CNTNAP2: variants seen among roughly 807,000 people sequenced by gnomAD.
CNTNAP2 encodes contactin-associated protein-like 2.
Under a neutral mutation model 155.2 loss-of-function variants are expected in CNTNAP2, and 98 were observed. That is an observed-to-expected ratio of 0.63 (90% CI 0.54 to 0.75). The LOEUF is 0.75. Among genes scored for constraint, CNTNAP2 ranks in the 30% least tolerant of loss-of-function variants. CNTNAP2 has a pLI of 0.00. For missense variants in CNTNAP2, 1,727 were observed against 1,688.1 expected (o/e 1.02, Z -0.40); for synonymous variants, 651 against 631.2 (o/e 1.03, Z -0.47).
At chr7:146,804,030 A>G (rs551258014) in intron 2 of CNTNAP2, among the ~76,000 whole-genome samples, 2 of 152,324 alleles carry the variant, frequency 1.3e-5, no homozygotes, top group South Asian at 4.1e-4. Context: ...TTTGGACTTC[A>G]GCATTGTTCA....
At chr7:146,731,791 T>C (rs1801530291) in intron 1 of CNTNAP2, among the ~76,000 whole-genome samples, 1 of 152,208 alleles carries the variant, frequency 6.6e-6, no homozygotes, top group Non-Finnish European at 1.5e-5. Flanking sequence ...GGTTTTGTTC[T>C]GCACACCACT....
intron 12 of CNTNAP2, among the ~76,000 whole-genome samples, chr7:147,621,662 G>A (rs562346253): frequency 5.9e-5 from 9 of 151,896 alleles, no homozygotes; most frequent in African/African-American, 2.2e-4. Context: ...TAAAAAGCAA[G>A]AAACTAAATT....
chr7:146,903,706 T>A (rs1410759214), intron 3 of CNTNAP2, among the ~76,000 whole-genome samples: 1 of 152,170 alleles, frequency 6.6e-6, no homozygotes, highest in Non-Finnish European at 1.5e-5. Context: ...ACCAGAGGCC[T>A]GCAGAGAGAG....
At chr7:146,383,612 G>C (rs952779325) in intron 1 of CNTNAP2, among the ~76,000 whole-genome samples, 6 of 152,088 alleles carry the variant, frequency 3.9e-5, no homozygotes, top group Non-Finnish European at 8.8e-5. Flanking sequence ...CAAATTACTA[G>C]TTTCAAACTT....
At chr7:147,932,264 T>A (rs1249921211) in intron 14 of CNTNAP2, among the ~76,000 whole-genome samples, 3 of 152,108 alleles carry the variant, frequency 2.0e-5, no homozygotes, top group Admixed American at 2.0e-4. Flanking sequence ...GCTAAAACAA[T>A]CTTGAGAAAA....
intron 21 of CNTNAP2, among the ~76,000 whole-genome samples, chr7:148,381,875 C>G (rs964451080): frequency 3.3e-5 from 5 of 152,284 alleles, no homozygotes; most frequent in African/African-American, 9.6e-5. Flanking sequence ...CATTGGCCCC[C>G]CCCCAGGGGA....
chr7:147,475,071 T>C lies in CNTNAP2; in HGVS notation c.1671-10864T>C, dbSNP rs73162030. Among the ~76,000 whole-genome samples, 116 of 152,336 alleles carry C rather than the reference T, an allele frequency of 7.6e-4. 1 individual carries two copies. Among genetic ancestry groups the C allele is most frequent in the Admixed American group, 4.2e-3 (65 of 15,302 alleles). On this transcript the variant is annotated intron_variant, in intron 10 of 23. Transcript: ENST00000361727. ...TCTTATCAGTACACATAGATCTGCG[T>C]TGTCTTTTTAATGGCTGTCAGGGGT...
rs909191014 is a variant in CNTNAP2, at chr7:146,125,170, A to C, written c.97+8197A>C. On this transcript the variant is annotated intron_variant, in intron 1 of 23. Transcript: ENST00000361727. The stretch of plus-strand genomic sequence containing the variant: ...CTCATGCACTTCTGTAGTATATGTA[A>C]GTTTTATTTATATATCTTAACGTAA... Among the ~76,000 whole-genome samples, 13 of 152,318 alleles carry C rather than the reference A, an allele frequency of 8.5e-5. No homozygotes were observed. In the South Asian group the frequency reaches 2.5e-3, roughly 29 times the overall value.
intron 1 of CNTNAP2, among the ~76,000 whole-genome samples, chr7:146,204,156 C>G (rs1798909243): frequency 6.6e-6 from 1 of 152,060 alleles, no homozygotes; most frequent in African/African-American, 2.4e-5. Flanking sequence ...ATTTACATCT[C>G]AGAGATCTAA....
chr7:146,352,224 TTTA>T (rs1794925459), intron 1 of CNTNAP2, among the ~76,000 whole-genome samples: 1 of 152,206 alleles, frequency 6.6e-6, no homozygotes, highest in Non-Finnish European at 1.5e-5. Flanking sequence ...AGTGAAACAT[TTTA>T]TTATATTTAA....
intron 1 of CNTNAP2, among the ~76,000 whole-genome samples, chr7:146,712,932 A>T (rs1181590539): frequency 6.6e-6 from 1 of 151,652 alleles, no homozygotes; most frequent in East Asian, 1.9e-4. Flanking sequence ...TAATATACAC[A>T]CATTCCCTTA....
At chr7:146,169,036 C>T (rs1798352725) in intron 1 of CNTNAP2, among the ~76,000 whole-genome samples, 1 of 152,320 alleles carries the variant, frequency 6.6e-6, no homozygotes, top group South Asian at 2.1e-4. Flanking sequence ...AGGACCTTTG[C>T]ACTGGCTGTT....
intron 18 of CNTNAP2, among the ~76,000 whole-genome samples, chr7:148,175,195 A>G (rs1236563772): frequency 6.6e-6 from 1 of 152,212 alleles, no homozygotes; most frequent in Non-Finnish European, 1.5e-5. Flanking sequence ...TTTGCTGTGT[A>G]AATAGTGCTG....
At chr7:147,429,007 A>C (rs1000031654) in intron 10 of CNTNAP2, among the ~76,000 whole-genome samples, 5 of 152,086 alleles carry the variant, frequency 3.3e-5, no homozygotes, top group African/African-American at 1.2e-4. Flanking sequence ...GCTCCTGTTT[A>C]TAAGTGAGAA....
intron 10 of CNTNAP2, among the ~76,000 whole-genome samples, chr7:147,418,936 CT>C (rs1461231954): frequency 6.6e-6 from 1 of 152,140 alleles, no homozygotes; most frequent in Non-Finnish European, 1.5e-5. Context: ...ACCACTGTGT[CT>C]GATAAAGAAT....
intron 3 of CNTNAP2, among the ~76,000 whole-genome samples, chr7:147,011,827 C>T (rs1445017727): frequency 6.6e-6 from 1 of 152,186 alleles, no homozygotes; most frequent in Non-Finnish European, 1.5e-5. Context: ...TTGATGGCAG[C>T]CATTCCAGAA....
At chr7:146,900,162 G>A (rs1795964579) in intron 3 of CNTNAP2, among the ~76,000 whole-genome samples, 1 of 152,150 alleles carries the variant, frequency 6.6e-6, no homozygotes, top group East Asian at 1.9e-4. Context: ...TAAAAGAGGA[G>A]ATTTCCTAAG....
At chr7:147,921,918 G>A (rs1046178617) in intron 14 of CNTNAP2, among the ~76,000 whole-genome samples, 12 of 152,132 alleles carry the variant, frequency 7.9e-5, no homozygotes, top group Admixed American at 7.2e-4. Flanking sequence ...GGTGAGTAAC[G>A]CTGAGACATG....
intron 9 of CNTNAP2, among the ~76,000 whole-genome samples, chr7:147,331,799 G>T (rs1295669194): frequency 3.9e-5 from 6 of 152,134 alleles, no homozygotes; most frequent in Non-Finnish European, 7.4e-5. Flanking sequence ...TTCACTTCTT[G>T]CCCCTTGTTC....
Sources: allele counts gnomAD v4.1 joint callset (sites outside exome capture counted in the v4.1 genomes callset), GRCh38; gene constraint gnomAD v4.1.1; transcripts MANE v1.5; gene names NCBI Gene and HGNC (gene_info 2026-07-23, HGNC 2026-07-21).